The following EPB41L4A variants were observed in gnomAD, a reference collection of about 807,000 sequenced individuals.
EPB41L4A encodes the protein band 4.1-like protein 4A.
A neutral mutation model predicts 108.6 loss-of-function variants in EPB41L4A; 100 were observed. That is an observed-to-expected ratio of 0.92 (90% CI 0.78 to 1.09). The LOEUF (loss-of-function observed/expected upper bound fraction) is 1.09. EPB41L4A is among the 50% of genes least tolerant of loss of function. The probability of loss-of-function intolerance (pLI) is 0.00; values close to 1 mark genes in which losing one functional copy is unlikely to be tolerated. For missense variants in EPB41L4A, 1,030 were observed against 842.7 expected, an observed-to-expected ratio of 1.22 and a Z score of -2.75; for synonymous variants, 319 against 289.0, an observed-to-expected ratio of 1.10 and a Z score of -1.05.
chr5:112,179,140 CA>C (rs569790146), intron 18 of EPB41L4A, among the ~76,000 whole-genome samples: 1 of 151,834 alleles, frequency 6.6e-6, no homozygotes, highest in South Asian at 2.1e-4. Flanking sequence ...TATAAATTAT[CA>C]AAACTTACAC....
chr5:112,392,401 C>CAAAAAAA (rs56256606), intron 1 of EPB41L4A, among the ~76,000 whole-genome samples: 9 of 35,914 alleles, frequency 2.5e-4, no homozygotes, highest in Non-Finnish European at 3.8e-4. Flanking sequence ...AAATGGAAAG[C>CAAAAAAA]AAAAAAAAAA....
At chr5:112,387,155 A>G (rs923316909) in intron 1 of EPB41L4A, among the ~76,000 whole-genome samples, 1 of 152,230 alleles carries the variant, frequency 6.6e-6, no homozygotes, top group South Asian at 2.1e-4. Context: ...TACTGGTGAC[A>G]GCGCCAGTTC....
intron 9 of EPB41L4A, among the ~76,000 whole-genome samples, chr5:112,258,441 A>G (rs1751258391): frequency 6.6e-6 from 1 of 152,220 alleles, no homozygotes. Flanking sequence ...TAGTATCAAA[A>G]AGACAGAAGA....
chr5:112,230,956 A>G (rs147086268), intron 12 of EPB41L4A, among the ~76,000 whole-genome samples: 4 of 152,370 alleles, frequency 2.6e-5, no homozygotes, highest in Non-Finnish European at 5.9e-5. Context: ...CAATTCAAAA[A>G]TCAGACTGAA....
At chr5:112,361,331 AAG>A (rs974546342) in intron 1 of EPB41L4A, among the ~76,000 whole-genome samples, 6 of 152,206 alleles carry the variant, frequency 3.9e-5, no homozygotes, top group Admixed American at 1.3e-4. Context: ...CATGCTCGTT[AAG>A]AGTCATCACC....
At chr5:112,217,121 T>G (rs1179535460) in intron 12 of EPB41L4A, among the ~76,000 whole-genome samples, 1 of 151,918 alleles carries the variant, frequency 6.6e-6, no homozygotes, top group Non-Finnish European at 1.5e-5. Flanking sequence ...ATTTTTGTAT[T>G]TTAGTAGAGA....
chr5:112,284,013 A>G (rs1392564430), intron 2 of EPB41L4A, among the ~76,000 whole-genome samples: 1 of 152,244 alleles, frequency 6.6e-6, no homozygotes, highest in Non-Finnish European at 1.5e-5. Context: ...TATCAGCTCA[A>G]CTGCTCTTAA....
At chr5:112,341,604 AAAGT>A (rs1333459386) in intron 1 of EPB41L4A, among the ~76,000 whole-genome samples, 1 of 152,306 alleles carries the variant, frequency 6.6e-6, no homozygotes, top group East Asian at 1.9e-4. Flanking sequence ...ATCCCAAAAG[AAAGT>A]AATTTTAAAA....
intron 18 of EPB41L4A, among the ~76,000 whole-genome samples, chr5:112,174,072 A>C (rs911896502): frequency 2.6e-5 from 4 of 152,208 alleles, no homozygotes; most frequent in Admixed American, 2.0e-4. Flanking sequence ...TTTTAACTAA[A>C]CTAAGTTCTG....
intron 1 of EPB41L4A, among the ~76,000 whole-genome samples, chr5:112,326,689 C>A (rs1350522356): frequency 6.6e-6 from 1 of 152,122 alleles, no homozygotes; most frequent in Non-Finnish European, 1.5e-5. Context: ...CTGCAAAATG[C>A]CAGTACTCTC....
At chr5:112,333,653 G>A (rs1419766342) in intron 1 of EPB41L4A, among the ~76,000 whole-genome samples, 1 of 152,136 alleles carries the variant, frequency 6.6e-6, no homozygotes, top group Non-Finnish European at 1.5e-5. Flanking sequence ...CACCGTATGA[G>A]TTGCAGTCTC....
In EPB41L4A at chr5:112,169,009, A is replaced by G; in HGVS notation, c.1836T>C (p.Val612=). ...RSQCSDGERS[V]LSEVNSKTDL... is the part of the protein sequence containing the mutation. The stretch of plus-strand genomic sequence containing the variant: ...TGCCCACTTACTTCACTTCCGAGAG[A>G]ACTGATCGCTCCCCATCTGAACACT... Residue 612 remains valine, a synonymous_variant, in exon 21 of 23, where the codon GTT becomes GTC. Coordinates refer to ENST00000261486, the MANE Select transcript of EPB41L4A (RefSeq NM_022140.5). The G allele has an allele frequency of 6.2e-7, 1 of 1,613,528 alleles. No individual in the cohort carries two copies. The highest frequency in any genetic ancestry group is 8.5e-7 in the Non-Finnish European group (1 of 1,179,462).
At position 112,205,499 on chromosome 5, in the gene EPB41L4A, T is replaced by G; in HGVS notation, c.1184A>C (p.Lys395Thr). 6.2e-7 allele frequency: 1 copy of G among 1,601,964 alleles called. No individual in the cohort carries two copies. Among genetic ancestry groups the G allele is most frequent in the Non-Finnish European group, 8.5e-7 (1 of 1,174,636 alleles). ...AGGGCTATTTTCATTCTTTGCTTTC[T>G]TAAAGCTTTAATTTTAAAAAAAAGT... ...IIAPSPVKSF[K>T]KAKNENSPDT... is the part of the protein sequence containing the mutation. Residue 395 changes from lysine to threonine, a missense_variant, in exon 14 of 23, where the codon AAG becomes ACG. Physicochemically the swap from Lys to Thr is moderately conservative, Grantham distance 78. Coordinates refer to ENST00000261486, the MANE Select transcript of EPB41L4A (RefSeq NM_022140.5).
At chr5:112,228,794 C>T (rs1404698081) in intron 12 of EPB41L4A, 2 of 964,836 alleles carry the variant, frequency 2.1e-6, no homozygotes, top group Middle Eastern at 5.3e-4. Flanking sequence ...TTTACCCAAG[C>T]TCCTCTGAGG....
chr5:112,382,693 G>C (rs1002042944), intron 1 of EPB41L4A, among the ~76,000 whole-genome samples: 2 of 152,108 alleles, frequency 1.3e-5, no homozygotes, highest in African/African-American at 4.8e-5. Flanking sequence ...AGGGTTGGGG[G>C]AACAGTCCCA....
At chr5:112,296,932 A>G (rs1754023775) in intron 2 of EPB41L4A, among the ~76,000 whole-genome samples, 1 of 152,066 alleles carries the variant, frequency 6.6e-6, no homozygotes, top group Admixed American at 6.6e-5. Flanking sequence ...TGTGAATGCC[A>G]TTAATTCATT....
intron 1 of EPB41L4A, among the ~76,000 whole-genome samples, chr5:112,330,378 G>A (rs1756485236): frequency 6.6e-6 from 1 of 152,098 alleles, no homozygotes; most frequent in Non-Finnish European, 1.5e-5. Flanking sequence ...AGAACTGAAA[G>A]ATGACAATAG....
chr5:112,283,602 T>G (rs1207914584), intron 2 of EPB41L4A, among the ~76,000 whole-genome samples: 2 of 152,194 alleles, frequency 1.3e-5, no homozygotes, highest in Non-Finnish European at 2.9e-5. Context: ...AGAATACTGG[T>G]CATGGAGTGC....
At chr5:112,226,501 G>C (rs1263495690) in intron 12 of EPB41L4A, among the ~76,000 whole-genome samples, 2 of 152,078 alleles carry the variant, frequency 1.3e-5, no homozygotes, top group Non-Finnish European at 2.9e-5. Flanking sequence ...CTTCAAATAG[G>C]GGAAACCACC....
Sources: gnomAD v4.1 joint callset for allele counts (sites outside exome capture counted in the v4.1 genomes callset) on GRCh38, gnomAD v4.1.1 for gene constraint, MANE v1.5 for transcripts, NCBI Gene and HGNC (gene_info 2026-07-23, HGNC 2026-07-21) for gene names.